Variants in LEF1 observed in about 807,000 individuals in gnomAD.
LEF1 encodes the protein lymphoid enhancer binding factor 1, also known as lymphoid enhancer-binding factor 1.
Under a neutral mutation model 51.2 loss-of-function variants are expected in LEF1, and 14 were observed. The observed-to-expected ratio is 0.27, with a 90% CI of 0.18 to 0.43. The LOEUF (loss-of-function observed/expected upper bound fraction) is 0.43, where lower values mean the gene tolerates loss of function less well. Among genes scored for constraint, LEF1 ranks in the 20% least tolerant of loss-of-function variants. The probability of loss-of-function intolerance (pLI) is 1.00; values close to 1 mark genes in which losing one functional copy is unlikely to be tolerated. For missense variants in LEF1, 386 were observed against 512.0 expected (o/e 0.75, Z 2.37); for synonymous variants, 185 against 183.2 (o/e 1.01, Z -0.08).
At chr4:108,154,159 T>C (rs1744535083) in intron 3 of LEF1, among the ~76,000 whole-genome samples, 2 of 152,142 alleles carry the variant, frequency 1.3e-5, no homozygotes, top group South Asian at 2.1e-4. Context: ...TTCAAGAAAA[T>C]TGTAACAATT....
At chr4:108,058,347 G>A in intron 11 of LEF1, among the ~76,000 whole-genome samples, 1 of 152,048 alleles carries the variant, frequency 6.6e-6, no homozygotes, top group East Asian at 1.9e-4. Flanking sequence ...TTTGAAAATT[G>A]TTTAATTAGT....
chr4:108,092,917 TAAAA>T (rs71592104), intron 3 of LEF1, among the ~76,000 whole-genome samples: 13 of 31,140 alleles, frequency 4.2e-4, no homozygotes, highest in African/African-American at 2.3e-3. Context: ...AATGAATATG[TAAAA>T]AAAAAAAAAA....
Position 108,078,367 on chromosome 4 carries a change from T to C in LEF1, c.861A>G (p.Glu287=). 3 of 1,614,194 alleles carry C rather than the reference T, an allele frequency of 1.9e-6. No homozygotes were observed. The highest frequency in any genetic ancestry group is 2.5e-6 in the Non-Finnish European group (3 of 1,180,032). Reference sequence around the variant, plus strand: ...TTTTTGGCTCCTGCTCCTTTCTCTGTTCATGCTGAGGCTTCCTAAAAGGTG... The same window carrying C: ...TTTTTGGCTCCTGCTCCTTTCTCTGCTCATGCTGAGGCTTCCTAAAAGGTG... ...SDLMHVKPQH[E]QRKEQEPKRP... The change falls in exon 8 of 12, where the codon GAA becomes GAG. Residue 287 remains glutamate, a synonymous_variant. Coordinates refer to ENST00000265165, the MANE Select transcript of LEF1 (RefSeq NM_016269.5).
intron 11 of LEF1, among the ~76,000 whole-genome samples, chr4:108,052,386 T>C (rs1737061121): frequency 1.3e-5 from 2 of 152,236 alleles, no homozygotes; most frequent in Non-Finnish European, 2.9e-5. Flanking sequence ...GCAGGAGCCT[T>C]AAACGATGTG....
rs557267808 is a variant in LEF1, at chr4:108,048,276, G to A, written c.*482C>T. ...GAAAGAAAAATGAAGCAGAAACAAA[G>A]AGGGAACTCTTCCATGAACTCCTCC... On this transcript the variant is annotated 3_prime_UTR_variant, in exon 12 of 12. Coordinates refer to ENST00000265165, the MANE Select transcript of LEF1 (RefSeq NM_016269.5). 1 of 160,548 alleles carries A rather than the reference G, an allele frequency of 6.2e-6. No individual in the cohort carries two copies. The highest frequency in any genetic ancestry group is 1.7e-4 in the East Asian group (1 of 5,746). The allele number at this position is 160,548 out of a possible 1,614,324, so 9.9% of individuals were successfully genotyped here.
rs924409625 is a variant in LEF1, at chr4:108,097,475, G to A, written c.415-8218C>T. Among the ~76,000 whole-genome samples, 8 of 152,272 alleles carry A rather than the reference G, an allele frequency of 5.3e-5. No individual in the cohort carries two copies. In the South Asian group the frequency reaches 1.7e-3, roughly 32 times the overall value. ...GGGTGAGTGGGGATGGTTAATGAGT[G>A]CAAAAATATAGTTAGGATAAGATCT... is the stretch of plus-strand genomic sequence containing the variant. On this transcript the variant is annotated intron_variant, in intron 3 of 11. Coordinates refer to ENST00000265165, the MANE Select transcript of LEF1 (RefSeq NM_016269.5).
chr4:108,164,168 T>G lies in LEF1; in HGVS notation c.281-467A>C, dbSNP rs190596142. On this transcript the variant is annotated intron_variant, in intron 2 of 11. Transcript: ENST00000265165. ...TGTGCTTGCAGATTTCTAGAAAAAT[T>G]TCTAGATTCTACTGAAAGAGTTGTT... Among the ~76,000 whole-genome samples, 23 of 152,248 alleles carry G rather than the reference T, an allele frequency of 1.5e-4. No homozygotes were observed. In the East Asian group the frequency reaches 3.9e-3, roughly 26 times the overall value.
At chr4:108,086,158 C>A (rs1275749055) in intron 4 of LEF1, among the ~76,000 whole-genome samples, 2 of 152,212 alleles carry the variant, frequency 1.3e-5, no homozygotes, top group Non-Finnish European at 2.9e-5. Flanking sequence ...TTTAAAAATC[C>A]TATTTCCAAA....
intron 11 of LEF1, among the ~76,000 whole-genome samples, chr4:108,060,434 T>C (rs527567006): frequency 1.3e-5 from 2 of 152,160 alleles, no homozygotes; most frequent in Non-Finnish European, 2.9e-5. Context: ...CCTTCACTTA[T>C]ACTGAGAAAC....
At position 108,063,634 on chromosome 4, in the gene LEF1, T is replaced by C. The variant is rs373961332; in HGVS notation, c.1195A>G (p.Ile399Val). The C allele has an allele frequency of 3.1e-6, 5 of 1,596,266 alleles. No individual in the cohort carries two copies. The highest frequency in any genetic ancestry group is 2.3e-5 in the South Asian group (2 of 86,686). Reference sequence around the variant, plus strand: ...AGAGTCGTTCTTACCATGTTTCAGATGTAGGCAGCTGTCATTCTTGGACCT... The same window carrying C: ...AGAGTCGTTCTTACCATGTTTCAGACGTAGGCAGCTGTCATTCTTGGACCT... ...GTGPRMTAAY[I>V] The change falls in exon 11 of 12, where the codon ATC becomes GTC. Residue 399 changes from isoleucine to valine, a missense_variant. Ile to Val is a conservative substitution (Grantham distance 29, BLOSUM62 3). Coordinates refer to ENST00000265165, the MANE Select transcript of LEF1 (RefSeq NM_016269.5).
chr4:108,107,975 C>CA (rs1398816980), intron 3 of LEF1, among the ~76,000 whole-genome samples: 3 of 152,196 alleles, frequency 2.0e-5, no homozygotes, highest in African/African-American at 7.2e-5. Flanking sequence ...AATTCAGAGT[C>CA]AGACATCCAC....
Position 108,167,428 on chromosome 4 carries a change from C to A in LEF1, c.213+127G>T. 2.3e-6 allele frequency: 2 copies of A among 856,006 alleles called. No homozygotes were observed. Among genetic ancestry groups the A allele is most frequent in the Non-Finnish European group, 3.7e-6 (2 of 539,858 alleles). 53.0% of individuals were successfully genotyped at this position (856,006 alleles called of 1,614,324 possible). On this transcript the variant is annotated intron_variant, in intron 1 of 11. Coordinates refer to ENST00000265165, the MANE Select transcript of LEF1 (RefSeq NM_016269.5). This position sits in a 1 kb window ranked among gnomAD's most constrained non-coding sequence, Gnocchi z 5.7. ...CGGGGGCCCAGCTACGCACACACCC[C>A]AAAACAAACGAGGGATCTACTCGGG...
At chr4:108,148,929 C>T (rs900213739) in intron 3 of LEF1, among the ~76,000 whole-genome samples, 9 of 152,020 alleles carry the variant, frequency 5.9e-5, no homozygotes, top group Admixed American at 3.3e-4. Context: ...TAATGCTGCA[C>T]GGATATCAAA....
At chr4:108,134,442 T>G (rs902745264) in intron 3 of LEF1, among the ~76,000 whole-genome samples, 5 of 152,226 alleles carry the variant, frequency 3.3e-5, no homozygotes, top group Admixed American at 6.5e-5. Context: ...AGAGCAGCTT[T>G]CTTTCTTTAT....
rs1425931310 is a variant in LEF1, at chr4:108,157,175, T to TACAC, written c.414+6392_414+6393insGTGT. On this transcript the variant is annotated intron_variant, in intron 3 of 11. Transcript: ENST00000265165. The stretch of plus-strand genomic sequence containing the variant: ...CTCTCTCTCTCTCTCTCTCTATATA[T>TACAC]ATATACACACACACACACACACACA... 6.8e-3 allele frequency among the ~76,000 whole-genome samples: 392 copies of TACAC among 57,474 alleles called. 2 individuals are homozygous for TACAC. The highest frequency in any genetic ancestry group is 0.013 in the South Asian group (14 of 1,104). The allele number at this position is 57,474 out of a possible 152,430, so 37.7% of individuals were successfully genotyped here. A position where few individuals can be genotyped will look rare whatever the true frequency, so the allele number is the denominator to read the frequency against.
chr4:108,168,236 T>C lies in LEF1; in HGVS notation c.-469A>G, dbSNP rs927448071. 4 of 152,416 alleles carry C rather than the reference T, an allele frequency of 2.6e-5. No individual in the cohort carries two copies. Among genetic ancestry groups the C allele is most frequent in the African/African-American group, 7.2e-5 (3 of 41,468 alleles). The allele number at this position is 152,416 out of a possible 1,614,324, so 9.4% of individuals were successfully genotyped here. A position where few individuals can be genotyped will look rare whatever the true frequency, so the allele number is the denominator to read the frequency against. ...CCGCGGAAACCCTCTCCACTGTAGT[T>C]ACCCCGGATGCCGACTTAGTAGTTT... On this transcript the variant is annotated 5_prime_UTR_variant, in exon 1 of 12. Coordinates refer to ENST00000265165, the MANE Select transcript of LEF1 (RefSeq NM_016269.5). The surrounding 1 kb of genome is among the most constrained non-coding windows in gnomAD (Gnocchi z 4.6).
chr4:108,095,336 G>A (rs773078771), intron 3 of LEF1, among the ~76,000 whole-genome samples: 3 of 152,188 alleles, frequency 2.0e-5, no homozygotes, highest in Non-Finnish European at 2.9e-5. Flanking sequence ...TCTGGCACTC[G>A]TCCATGTAAG....
At chr4:108,119,467 C>T (rs564454818) in intron 3 of LEF1, among the ~76,000 whole-genome samples, 24 of 152,056 alleles carry the variant, frequency 1.6e-4, no homozygotes, top group African/African-American at 5.5e-4. Flanking sequence ...ATTTATGATG[C>T]TCAAAATGTC....
chr4:108,073,870 G>A (rs1021925186), intron 8 of LEF1, among the ~76,000 whole-genome samples: 3 of 150,482 alleles, frequency 2.0e-5, no homozygotes, highest in Non-Finnish European at 4.4e-5. Flanking sequence ...CTGTTGCCCA[G>A]GCTGGAGTGC....
Sources: gnomAD v4.1 joint callset for allele counts (sites outside exome capture counted in the v4.1 genomes callset) on GRCh38, gnomAD v4.1.1 for gene constraint, Gnocchi (gnomAD v3.1) non-coding constraint, MANE v1.5 for transcripts, NCBI Gene and HGNC (gene_info 2026-07-23, HGNC 2026-07-21) for gene names.